The following LARP1B variants were observed in gnomAD, a reference collection of about 807,000 sequenced individuals.
LARP1B encodes the protein la-related protein 1B.
Under a neutral mutation model 114.2 loss-of-function variants are expected in LARP1B, and 76 were observed. That is an observed-to-expected ratio of 0.67 (90% CI 0.55 to 0.81). The LOEUF (loss-of-function observed/expected upper bound fraction) is 0.81. Ranked by LOEUF, LARP1B falls within the 30% of genes least tolerant of loss-of-function variation. LARP1B has a pLI of 0.00. For missense variants in LARP1B, 1,014 were observed against 1,075.8 expected, an observed-to-expected ratio of 0.94 and a Z score of 0.80; for synonymous variants, 345 against 348.0, an observed-to-expected ratio of 0.99 and a Z score of 0.10.
intron 10 of LARP1B, among the ~76,000 whole-genome samples, chr4:128,119,623 T>C (rs1787238301): frequency 6.6e-6 from 1 of 152,248 alleles, no homozygotes; most frequent in Non-Finnish European, 1.5e-5. Flanking sequence ...TCCTACTCCT[T>C]GTAACTGCCA....
At chr4:128,083,488 G>A (rs1473035189) in intron 5 of LARP1B, among the ~76,000 whole-genome samples, 2 of 150,502 alleles carry the variant, frequency 1.3e-5, no homozygotes, top group Admixed American at 1.3e-4. Flanking sequence ...GGCTGGCCAG[G>A]CAGAGGGGCG....
intron 9 of LARP1B, among the ~76,000 whole-genome samples, chr4:128,110,124 G>A (rs959989942): frequency 9.9e-5 from 15 of 151,958 alleles, no homozygotes; most frequent in Admixed American, 2.6e-4. Flanking sequence ...GGCTTGTCTC[G>A]AACTCCTGAC....
intron 11 of LARP1B, chr4:128,156,268 A>G (rs1735605092): frequency 2.9e-6 from 3 of 1,051,916 alleles, no homozygotes; most frequent in Non-Finnish European, 2.9e-6. Flanking sequence ...TTCCCCCACC[A>G]GTCCAGCTGG....
intron 9 of LARP1B, chr4:128,108,791 A>G (rs761908019): frequency 4.7e-4 from 461 of 984,888 alleles, no homozygotes; most frequent in Non-Finnish European, 5.4e-4. Flanking sequence ...GGTAAGTTAG[A>G]TAAAATAGCA....
chr4:128,169,452 A>G (rs1350013016), intron 12 of LARP1B, among the ~76,000 whole-genome samples: 1 of 151,968 alleles, frequency 6.6e-6, no homozygotes, highest in Non-Finnish European at 1.5e-5. Flanking sequence ...ATTTTTTGAT[A>G]CATCAGCTAT....
Position 128,107,656 on chromosome 4 carries a change from A to T in LARP1B, c.988+343A>T, listed in dbSNP as rs77673000. 4.9e-3 allele frequency: 7,009 copies of T among 1,419,578 alleles called. 292 individuals carry two copies. In the African/African-American group the frequency reaches 0.092, roughly 19 times the overall value. The allele number at this position is 1,419,578 out of a possible 1,614,324, so 87.9% of individuals were successfully genotyped here. ...AATAGTATGATTGGATTATTCTAAA[A>T]AGGTCTTATACTCAAGAGTGGGGTA... On this transcript the variant is annotated intron_variant, in intron 9 of 19. Transcript: ENST00000326639.
chr4:128,103,862 T>G (rs1335412387), intron 8 of LARP1B, among the ~76,000 whole-genome samples: 2 of 151,652 alleles, frequency 1.3e-5, no homozygotes, highest in East Asian at 3.9e-4. Context: ...ATGCCTGGCC[T>G]CCTCTTTTTT....
rs781188672 is a variant in LARP1B at position 128,090,984 on chromosome 4, AT to A, written c.359-12del. ...TTGGCAAATCGAAGTATATAAAAAT[AT>A]TTTTATTTTTAAAAGGTTGGAAGCG... On this transcript the variant is annotated splice_polypyrimidine_tract_variant and intron_variant, in intron 5 of 19. Coordinates refer to ENST00000326639, the MANE Select transcript of LARP1B (RefSeq NM_018078.4). The A allele has an allele frequency of 6.4e-7, 1 of 1,554,822 alleles. No individual in the cohort carries two copies. The highest frequency in any genetic ancestry group is 1.2e-5 in the South Asian group (1 of 84,764).
At chr4:128,175,520 T>C (rs1745498541) in intron 12 of LARP1B, among the ~76,000 whole-genome samples, 1 of 152,218 alleles carries the variant, frequency 6.6e-6, no homozygotes, top group Admixed American at 6.5e-5. Context: ...ATAAAATTTT[T>C]CTGTGAAGAA....
intron 9 of LARP1B, among the ~76,000 whole-genome samples, chr4:128,110,415 T>TA (rs200737994): frequency 0.027 from 3,957 of 147,106 alleles, 91 homozygotes; most frequent in East Asian, 0.11. Flanking sequence ...TTTTCATTAT[T>TA]AAAAAAAAAA....
intron 11 of LARP1B, among the ~76,000 whole-genome samples, chr4:128,158,174 A>G (rs1004809560): frequency 6.6e-6 from 1 of 152,152 alleles, no homozygotes; most frequent in African/African-American, 2.4e-5. Flanking sequence ...AGTACATAAA[A>G]TTTGCAGGCA....
intron 12 of LARP1B, among the ~76,000 whole-genome samples, chr4:128,168,223 A>G (rs1258838213): frequency 1.3e-5 from 2 of 152,006 alleles, no homozygotes; most frequent in African/African-American, 4.8e-5. Flanking sequence ...GTTCTTACCA[A>G]CAATATATGA....
chr4:128,200,805 T>C, intron 17 of LARP1B, 140 bp downstream of exon 17: 1 of 550,644 alleles, frequency 1.8e-6, no homozygotes, highest in East Asian at 3.2e-5. Context: ...TTTTGAACCG[T>C]GAAAGTAGCA....
intron 1 of LARP1B, among the ~76,000 whole-genome samples, chr4:128,066,850 G>A (rs1763133305): frequency 6.8e-6 from 1 of 147,272 alleles, no homozygotes; most frequent in Non-Finnish European, 1.5e-5. Flanking sequence ...AGGCAGGAGT[G>A]CAATGGCGCG....
intron 9 of LARP1B, chr4:128,108,419 C>A: frequency 1.0e-6 from 1 of 986,152 alleles, no homozygotes; most frequent in Non-Finnish European, 1.2e-6. Flanking sequence ...TTAATGTGGT[C>A]ACTTAAGGGG....
chr4:128,084,783 CATTG>C (rs931325468), intron 5 of LARP1B, among the ~76,000 whole-genome samples: 3 of 152,110 alleles, frequency 2.0e-5, no homozygotes, highest in South Asian at 4.1e-4. Flanking sequence ...TTGATTACAA[CATTG>C]ATTAATATTA....
downstream of LARP1B, among the ~76,000 whole-genome samples, chr4:128,213,940 G>A (rs2150979814): frequency 6.6e-6 from 1 of 152,038 alleles, no homozygotes; most frequent in Non-Finnish European, 1.5e-5. Context: ...AGGCCAGTGT[G>A]TGCGTGCACC....
intron 5 of LARP1B, among the ~76,000 whole-genome samples, chr4:128,087,648 G>A (rs1195618939): frequency 6.6e-6 from 1 of 152,084 alleles, no homozygotes; most frequent in Admixed American, 6.6e-5. Context: ...AATCACACTA[G>A]TTTCCTAGTA....
chr4:128,092,464 A>G (rs1346976162), intron 7 of LARP1B, among the ~76,000 whole-genome samples: 1 of 152,142 alleles, frequency 6.6e-6, no homozygotes, highest in Non-Finnish European at 1.5e-5. Context: ...ATTGTATAGG[A>G]TATTTTGCTT....
Sources: gnomAD v4.1 joint callset for allele counts (sites outside exome capture counted in the v4.1 genomes callset) on GRCh38, gnomAD v4.1.1 for gene constraint, MANE v1.5 for transcripts, NCBI Gene and HGNC (gene_info 2026-07-23, HGNC 2026-07-21) for gene names.